MBNL3: variants seen among roughly 807,000 people sequenced by gnomAD.
MBNL3 encodes the protein muscleblind-like protein 3.
Under a neutral mutation model 24.5 loss-of-function variants are expected in MBNL3, and 6 were observed. The observed-to-expected ratio is 0.25, with a 90% confidence interval of 0.13 to 0.48. The LOEUF (loss-of-function observed/expected upper bound fraction) is 0.48. Ranked by LOEUF, MBNL3 falls within the 20% of genes least tolerant of loss-of-function variation. The pLI is 0.99. For synonymous variants in MBNL3, 100 were observed against 101.7 expected (o/e 0.98, Z 0.10); for missense variants, 230 against 293.5 (o/e 0.78, Z 1.58).
At chrX:132,481,525 C>G (rs1479126584) in intron 1 of MBNL3, among the ~76,000 whole-genome samples, 12 of 111,939 alleles carry the variant, frequency 1.1e-4, no homozygotes. Flanking sequence ...AGAAATCTAG[C>G]TTCTTAGAGT....
At chrX:132,409,632 A>G (rs1383534884) in intron 2 of MBNL3, among the ~76,000 whole-genome samples, 1 of 111,458 alleles carries the variant, frequency 9.0e-6, no homozygotes, top group African/African-American at 3.3e-5. Context: ...ACACTAGTGC[A>G]AAGTATCAGA....
chrX:132,411,189 CCTT>C lies in MBNL3; in HGVS notation c.178-4800_178-4798del, dbSNP rs1174582102. 4 of 752,390 alleles carry C rather than the reference CCTT, an allele frequency of 5.3e-6. No individual in the cohort carries two copies. In the African/African-American group the frequency reaches 7.0e-5, roughly 13 times the overall value. The allele number at this position is 752,390 out of a possible 1,213,427, so 62.0% of individuals were successfully genotyped here. On this transcript the variant is annotated intron_variant, in intron 2 of 8. Transcript: ENST00000370853. ...ACCATTGCAGCCAGCACTGTACCCA[CCTT>C]CTTCATGCTGTCCCAACTCTGTTTT...
At chrX:132,462,074 C>T (rs927639251) in intron 1 of MBNL3, among the ~76,000 whole-genome samples, 1 of 111,686 alleles carries the variant, frequency 9.0e-6, no homozygotes, top group African/African-American at 3.3e-5. Context: ...GACAATAGGA[C>T]TATAGAGGAT....
chrX:132,468,781 G>A (rs1164975279), intron 1 of MBNL3, among the ~76,000 whole-genome samples: 1 of 111,857 alleles, frequency 8.9e-6, no homozygotes, highest in Non-Finnish European at 1.9e-5. Context: ...ACTCTGTACT[G>A]CCTCTAATGG....
At chrX:132,489,766 G>GGCCCC (rs1458540170), upstream of MBNL3, 55 of 109,051 alleles carry the variant, frequency 5.0e-4, no homozygotes, top group African/African-American at 1.2e-3. Context: ...GCGGCCGCCC[G>GGCCCC]GCCCCGCCCC....
At chrX:132,469,816 A>C (rs756863450) in intron 1 of MBNL3, among the ~76,000 whole-genome samples, 134 of 111,626 alleles carry the variant, frequency 1.2e-3, no homozygotes, top group African/African-American at 4.2e-3. Context: ...AGTCAATTTT[A>C]TAACACTTTT....
chrX:132,380,097 C>T (rs1934595414), intron 8 of MBNL3, among the ~76,000 whole-genome samples: 1 of 112,206 alleles, frequency 8.9e-6, no homozygotes, highest in South Asian at 3.7e-4. Flanking sequence ...CAGAAGTAGC[C>T]TACCTGTGAA....
At chrX:132,483,402 C>A (rs895701785) in intron 1 of MBNL3, among the ~76,000 whole-genome samples, 1 of 111,807 alleles carries the variant, frequency 8.9e-6, no homozygotes, top group Admixed American at 9.4e-5. Flanking sequence ...AAAGCAACCA[C>A]CTTAATATTA....
rs1941825662 is a variant in MBNL3 at position 132,406,369 on chromosome X, G to A, written c.201C>T (p.Cys67=). The change falls in exon 3 of 9, where the codon TGC becomes TGT. Residue 67 remains cysteine (C), a synonymous_variant. Coordinates refer to ENST00000370853, the MANE Select transcript of MBNL3 (RefSeq NM_001386889.1). The part of the protein sequence containing the change: ...SLKGRCTREN[C]KYLHPPPHLK... ...AGTGTGGAGGAGGGTGAAGGTACTT[G>A]CAGTTCTCTCGGGTACACCGACCCT... 8.3e-7 allele frequency: 1 copy of A among 1,205,214 alleles called. No individual in the cohort carries two copies. Among genetic ancestry groups the A allele is most frequent in the Non-Finnish European group, 1.1e-6 (1 of 891,106 alleles).
At chrX:132,391,108 A>C in intron 4 of MBNL3, 25 bp from the exon 5 acceptor site, 1 of 1,096,977 alleles carries the variant, frequency 9.1e-7, no homozygotes, top group Non-Finnish European at 1.3e-6. Flanking sequence ...ATGCACATAC[A>C]CACGCATCAC....
At chrX:132,457,912 G>T (rs1294974093) in intron 1 of MBNL3, among the ~76,000 whole-genome samples, 2 of 111,631 alleles carry the variant, frequency 1.8e-5, no homozygotes, top group Non-Finnish European at 3.8e-5. Flanking sequence ...ATGTTTTCAG[G>T]TTTGTCAAAA....
At chrX:132,471,074 G>A (rs1375217191) in intron 1 of MBNL3, among the ~76,000 whole-genome samples, 2 of 110,976 alleles carry the variant, frequency 1.8e-5, no homozygotes, top group Non-Finnish European at 3.8e-5. Context: ...TAAATTCACA[G>A]GGTTGCTGTG....
rs1364853820 is a variant in MBNL3 at position 132,369,952 on chromosome X, T to C, written c.*9714A>G. ...AATTTCTGCATCCACTTTAGAATGC[T>C]GTGCTTTTGCTTTGGACATGTTTGT... On this transcript the variant is annotated 3_prime_UTR_variant, in exon 9 of 9. Coordinates refer to ENST00000370853, the MANE Select transcript of MBNL3 (RefSeq NM_001386889.1). 1 of 112,066 alleles carries C rather than the reference T, an allele frequency of 8.9e-6. No individual in the cohort carries two copies. Among genetic ancestry groups the C allele is most frequent in the African/African-American group, 3.2e-5 (1 of 30,780 alleles). The allele number at this position is 112,066 out of a possible 1,213,427, so 9.2% of individuals were successfully genotyped here.
chrX:132,428,756 G>A (rs1944510006), intron 2 of MBNL3, among the ~76,000 whole-genome samples: 1 of 111,849 alleles, frequency 8.9e-6, no homozygotes, highest in Non-Finnish European at 1.9e-5. Flanking sequence ...AATGTTCTAT[G>A]AATAATGTCA....
chrX:132,392,399 G>A (rs1055792245), intron 3 of MBNL3, 65 bp from the exon 4 acceptor site: 2 of 887,951 alleles, frequency 2.3e-6, no homozygotes, highest in Non-Finnish European at 3.0e-6. Flanking sequence ...TACACAAAGA[G>A]GTATTCTTTC....
At chrX:132,451,302 G>A (rs1946095579) in intron 1 of MBNL3, among the ~76,000 whole-genome samples, 1 of 112,371 alleles carries the variant, frequency 8.9e-6, no homozygotes, top group Non-Finnish European at 1.9e-5. Context: ...CTGTCCCAGG[G>A]AGATGGGAGT....
At chrX:132,382,304 G>A (rs376697564) in intron 7 of MBNL3, 32 bp from the exon 8 acceptor site, 9 of 1,103,658 alleles carry the variant, frequency 8.2e-6, no homozygotes, top group Admixed American at 6.7e-5. Context: ...AGCAACACAC[G>A]GGAGGGTAGA....
chrX:132,411,697 C>T (rs1433608117), intron 2 of MBNL3, among the ~76,000 whole-genome samples: 1 of 111,560 alleles, frequency 9.0e-6, no homozygotes, highest in Non-Finnish European at 1.9e-5. Context: ...GTGCTTCCAA[C>T]TGCACCTTGT....
intron 1 of MBNL3, among the ~76,000 whole-genome samples, chrX:132,443,319 C>A (rs373430803): frequency 1.8e-5 from 2 of 112,092 alleles, no homozygotes; most frequent in East Asian, 5.6e-4. Flanking sequence ...GCAAGATCTT[C>A]TGACTCCAAA....
Sources: gnomAD v4.1 joint callset for allele counts (sites outside exome capture counted in the v4.1 genomes callset) on GRCh38, gnomAD v4.1.1 for gene constraint, MANE v1.5 for transcripts, NCBI Gene and HGNC (gene_info 2026-07-23, HGNC 2026-07-21) for gene names.